RSRC1: variants seen among roughly 807,000 people sequenced by gnomAD.
The protein encoded by RSRC1 is arginine and serine rich coiled-coil 1.
In RSRC1, 39 loss-of-function variants were observed where a neutral mutation model predicts 49.1. The observed-to-expected ratio is 0.79, with a 90% CI of 0.61 to 1.04. The LOEUF is 1.04. RSRC1 is among the 50% of genes least tolerant of loss of function. The pLI is 0.00. For missense variants in RSRC1, 388 were observed against 402.4 expected, an observed-to-expected ratio of 0.96 and a Z score of 0.31; for synonymous variants, 143 against 130.8, an observed-to-expected ratio of 1.09 and a Z score of -0.63.
At chr3:158,379,231 C>T (rs1312457535) in intron 6 of RSRC1, among the ~76,000 whole-genome samples, 4 of 132,548 alleles carry the variant, frequency 3.0e-5, no homozygotes, top group African/African-American at 1.1e-4. Flanking sequence ...GACCGAGTCT[C>T]GCTCTGTCGC....
intron 4 of RSRC1, among the ~76,000 whole-genome samples, chr3:158,229,412 ATG>A (rs1165214791): frequency 6.9e-6 from 1 of 145,862 alleles, no homozygotes; most frequent in African/African-American, 2.5e-5. Flanking sequence ...ACACACGTAT[ATG>A]TGTATGTATG....
intron 6 of RSRC1, among the ~76,000 whole-genome samples, chr3:158,425,968 A>T (rs879677632): frequency 6.6e-6 from 1 of 151,728 alleles, no homozygotes; most frequent in Non-Finnish European, 1.5e-5. Context: ...ATAGGAAGCA[A>T]TAGAACATCC....
At chr3:158,206,372 A>G (rs1295900515) in intron 4 of RSRC1, among the ~76,000 whole-genome samples, 1 of 152,176 alleles carries the variant, frequency 6.6e-6, no homozygotes, top group Non-Finnish European at 1.5e-5. Context: ...GATCATGCAA[A>G]ATGAATTTCA....
intron 3 of RSRC1, among the ~76,000 whole-genome samples, chr3:158,180,419 C>CGTGT (rs374155981): frequency 0.25 from 10,060 of 40,672 alleles, 1,511 homozygotes; most frequent in East Asian, 0.53. Context: ...TTTTTTTTGC[C>CGTGT]GTGTGTGTGT....
intron 8 of RSRC1, among the ~76,000 whole-genome samples, chr3:158,540,072 G>A (rs980754479): frequency 1.3e-5 from 2 of 152,278 alleles, no homozygotes; most frequent in South Asian, 4.1e-4. Context: ...AGGCAGTATA[G>A]ACTACCAAAA....
At chr3:158,509,010 C>T (rs1262387147) in intron 7 of RSRC1, among the ~76,000 whole-genome samples, 1 of 152,086 alleles carries the variant, frequency 6.6e-6, no homozygotes, top group African/African-American at 2.4e-5. Flanking sequence ...TGATGAAGTT[C>T]AGTTTATCTG....
Position 158,208,264 on chromosome 3 carries a change from T to C in RSRC1, c.494+5019T>C, listed in dbSNP as rs188319195. On this transcript the variant is annotated intron_variant, in intron 4 of 9. Transcript: ENST00000611884. ...ATTTTAAAAATAAATATTTCTTATC[T>C]TTAGAAAATTTCATTTTTTAAAAGT... 2.6e-3 allele frequency among the ~76,000 whole-genome samples: 399 copies of C among 152,306 alleles called. 4 individuals carry two copies. Among genetic ancestry groups the C allele is most frequent in the African/African-American group, 9.2e-3 (381 of 41,578 alleles).
intron 3 of RSRC1, among the ~76,000 whole-genome samples, chr3:158,189,623 G>T (rs1376430634): frequency 2.0e-5 from 3 of 151,638 alleles, no homozygotes; most frequent in Non-Finnish European, 4.4e-5. Context: ...CCTTTACTTT[G>T]AACACTTCTT....
intron 5 of RSRC1, among the ~76,000 whole-genome samples, chr3:158,337,032 G>A (rs1729941576): frequency 6.6e-6 from 1 of 152,192 alleles, no homozygotes; most frequent in South Asian, 2.1e-4. Flanking sequence ...GCATGGATAG[G>A]ACCCAAGACA....
intron 4 of RSRC1, among the ~76,000 whole-genome samples, chr3:158,220,165 G>A (rs1027211134): frequency 4.6e-5 from 7 of 151,652 alleles, no homozygotes; most frequent in Non-Finnish European, 8.9e-5. Flanking sequence ...ATTAAGGAAG[G>A]GTTTGTATCC....
chr3:158,277,583 A>G (rs1363757050), intron 4 of RSRC1, among the ~76,000 whole-genome samples: 1 of 152,190 alleles, frequency 6.6e-6, no homozygotes, highest in African/African-American at 2.4e-5. Flanking sequence ...AGGTCAAAAA[A>G]CATACTCCTT....
intron 3 of RSRC1, among the ~76,000 whole-genome samples, chr3:158,174,164 T>C (rs185546303): frequency 1.2e-3 from 178 of 151,944 alleles, no homozygotes; most frequent in African/African-American, 4.1e-3. Flanking sequence ...TCTCTCAACG[T>C]TGGGGTTGTA....
At chr3:158,148,045 G>A (rs1353677309) in intron 3 of RSRC1, among the ~76,000 whole-genome samples, 2 of 152,092 alleles carry the variant, frequency 1.3e-5, no homozygotes, top group Non-Finnish European at 2.9e-5. Flanking sequence ...GCACTGGTCC[G>A]TGGAACAACT....
intron 3 of RSRC1, among the ~76,000 whole-genome samples, chr3:158,192,718 C>T (rs1356401928): frequency 1.3e-5 from 2 of 152,004 alleles, no homozygotes; most frequent in Admixed American, 6.6e-5. Flanking sequence ...CAAATATTTC[C>T]TTTTATCCTC....
chr3:158,360,168 T>C (rs58195752), intron 6 of RSRC1, among the ~76,000 whole-genome samples: 33,380 of 151,974 alleles, frequency 0.22, 4,264 homozygotes, highest in Non-Finnish European at 0.29. Flanking sequence ...CTAGAGTTGG[T>C]GGCTCCTCTC....
chr3:158,131,285 C>G (rs1716006016), intron 3 of RSRC1, among the ~76,000 whole-genome samples: 1 of 151,808 alleles, frequency 6.6e-6, no homozygotes, highest in Non-Finnish European at 1.5e-5. Flanking sequence ...TTGTTAGTAC[C>G]AATCACTGCT....
At chr3:158,518,930 A>T (rs1415987731) in intron 7 of RSRC1, among the ~76,000 whole-genome samples, 4 of 152,064 alleles carry the variant, frequency 2.6e-5, no homozygotes, top group African/African-American at 4.8e-5. Flanking sequence ...ATCATTTTTC[A>T]CTAGTGTGAA....
At chr3:158,528,756 A>G (rs750328109) in intron 7 of RSRC1, among the ~76,000 whole-genome samples, 7 of 151,994 alleles carry the variant, frequency 4.6e-5, no homozygotes, top group Non-Finnish European at 1.0e-4. Context: ...CCCTATTAAA[A>G]TAAGAAAACT....
chr3:158,290,190 G>A (rs1726841140), intron 4 of RSRC1, among the ~76,000 whole-genome samples: 1 of 152,066 alleles, frequency 6.6e-6, no homozygotes, highest in Non-Finnish European at 1.5e-5. Context: ...TGAATGTAAG[G>A]CGAGAAAAAT....
Sources: allele counts gnomAD v4.1 joint callset (sites outside exome capture counted in the v4.1 genomes callset), GRCh38; gene constraint gnomAD v4.1.1; transcripts MANE v1.5; gene names NCBI Gene and HGNC (gene_info 2026-07-23, HGNC 2026-07-21).